The following NFASC variants were observed in gnomAD, a reference collection of about 807,000 sequenced individuals.
The protein encoded by NFASC is neurofascin homolog.
NFASC carries 43 observed loss-of-function variants against 147.5 expected under a neutral mutation model. That is an observed-to-expected ratio of 0.29 (90% CI 0.23 to 0.38). The LOEUF (loss-of-function observed/expected upper bound fraction) is 0.38, where lower values mean the gene tolerates loss of function less well. Among genes scored for constraint, NFASC ranks in the 10% least tolerant of loss-of-function variants. The pLI, the probability that NFASC is intolerant of heterozygous loss-of-function variation, is 1.00. For missense variants in NFASC, 1,320 were observed against 1,689.0 expected (o/e 0.78, Z 3.83); for synonymous variants, 622 against 665.5 (o/e 0.93, Z 1.01).
chr1:204,949,465 A>G (rs1558214070), intron 3 of NFASC, among the ~76,000 whole-genome samples: 1 of 152,264 alleles, frequency 6.6e-6, no homozygotes, highest in Non-Finnish European at 1.5e-5. Context: ...GCCTGCAACA[A>G]CAGTACAGTA....
At chr1:204,927,308 A>G (rs541197778) in intron 2 of NFASC, among the ~76,000 whole-genome samples, 2 of 152,192 alleles carry the variant, frequency 1.3e-5, no homozygotes, top group Admixed American at 1.3e-4. Context: ...TGGACATTTC[A>G]TATAAATGGA....
At chr1:204,871,013 A>G (rs1558528354) in intron 1 of NFASC, 2 of 1,289,710 alleles carry the variant, frequency 1.6e-6, no homozygotes, top group Non-Finnish European at 2.0e-6. Flanking sequence ...ACCTGTCCCC[A>G]TGGAGGGAGA....
chr1:205,013,128 C>T (rs371871569), intron 29 of NFASC, among the ~76,000 whole-genome samples: 14 of 152,310 alleles, frequency 9.2e-5, no homozygotes, highest in African/African-American at 1.4e-4. Flanking sequence ...ATTAGTTTGA[C>T]GAACAGCATT....
chr1:204,913,382 G>A (rs4592302), intron 1 of NFASC, among the ~76,000 whole-genome samples: 66,528 of 151,902 alleles, frequency 0.44, 15,011 homozygotes, highest in Admixed American at 0.55. Flanking sequence ...GCAAGAGTAA[G>A]CAGAAAAAAT....
At chr1:204,836,692 G>A (rs1389354861) in intron 1 of NFASC, among the ~76,000 whole-genome samples, 1 of 152,240 alleles carries the variant, frequency 6.6e-6, no homozygotes, top group African/African-American at 2.4e-5. Context: ...GGAGGTGAAT[G>A]TCTTTATGGA....
chr1:204,833,969 A>G (rs1672972844), intron 1 of NFASC, among the ~76,000 whole-genome samples: 1 of 152,226 alleles, frequency 6.6e-6, no homozygotes, highest in Non-Finnish European at 1.5e-5. Context: ...GCTGGTAGTA[A>G]ATATTCATCA....
At chr1:204,900,843 GT>G (rs200855720) in intron 1 of NFASC, among the ~76,000 whole-genome samples, 6 of 149,846 alleles carry the variant, frequency 4.0e-5, no homozygotes, top group Admixed American at 6.7e-5. Context: ...AAACAGATTA[GT>G]TTTTTTTTTC....
intron 1 of NFASC, among the ~76,000 whole-genome samples, chr1:204,878,712 G>A (rs932757953): frequency 6.6e-6 from 1 of 152,208 alleles, no homozygotes; most frequent in Non-Finnish European, 1.5e-5. Context: ...TTTGATCTGC[G>A]GGATCCTCCC....
chr1:204,836,801 T>C (rs538157042), intron 1 of NFASC, among the ~76,000 whole-genome samples: 1 of 152,268 alleles, frequency 6.6e-6, no homozygotes, highest in African/African-American at 2.4e-5. Context: ...CTGAGTGGAA[T>C]TGAAGCCTTT....
chr1:204,904,318 G>T (rs575569939), intron 1 of NFASC, among the ~76,000 whole-genome samples: 2 of 152,172 alleles, frequency 1.3e-5, no homozygotes, highest in African/African-American at 4.8e-5. Flanking sequence ...GGCTGGTCTC[G>T]AACTCCCGGA....
intron 3 of NFASC, among the ~76,000 whole-genome samples, chr1:204,947,806 C>T (rs909610102): frequency 1.1e-4 from 17 of 152,138 alleles, no homozygotes; most frequent in African/African-American, 4.1e-4. Flanking sequence ...TTCCTTCCCA[C>T]CTTCATCACA....
chr1:204,853,984 T>C (rs2075925349), intron 1 of NFASC, among the ~76,000 whole-genome samples: 1 of 152,062 alleles, frequency 6.6e-6, no homozygotes, highest in South Asian at 2.1e-4. Flanking sequence ...TGGGAAGGGC[T>C]CCAAGAAAGC....
At chr1:204,829,226 A>C (rs1671507134) in intron 1 of NFASC, among the ~76,000 whole-genome samples, 4 of 137,594 alleles carry the variant, frequency 2.9e-5, no homozygotes, top group African/African-American at 8.3e-5. Flanking sequence ...TCCCCATCTC[A>C]TGCCCCTACC....
intron 1 of NFASC, among the ~76,000 whole-genome samples, chr1:204,854,673 G>A (rs2076001424): frequency 6.6e-6 from 1 of 152,214 alleles, no homozygotes; most frequent in Non-Finnish European, 1.5e-5. Flanking sequence ...TGCCAACTTA[G>A]CACTGACTTG....
rs763350261 is a variant in NFASC, at chr1:205,009,582, C to T, written c.3315C>T (p.Ile1105=). ...STAYTNNQAD[I]ATQGWFIGLM... Reference sequence around the variant, plus strand: ...CTTACACCAACAACCAAGCGGACATCGCCACCCAGGGCTGGTTCATTGGGC... The same window carrying T: ...CTTACACCAACAACCAAGCGGACATTGCCACCCAGGGCTGGTTCATTGGGC... The change falls in exon 28 of 30, where the codon ATC becomes ATT. Residue 1105 remains isoleucine, a synonymous_variant. Coordinates refer to ENST00000339876, the MANE Select transcript of NFASC (RefSeq NM_001005388.3). The T allele has an allele frequency of 2.5e-6, 4 of 1,614,162 alleles. No homozygotes were observed. The highest frequency in any genetic ancestry group is 1.7e-5 in the Admixed American group (1 of 60,022).
intron 1 of NFASC, among the ~76,000 whole-genome samples, chr1:204,878,257 G>A (rs1216352011): frequency 6.6e-6 from 1 of 152,086 alleles, no homozygotes. Flanking sequence ...TGTTTCAAGG[G>A]CAAAGAAACT....
At position 204,837,766 on chromosome 1, in the gene NFASC, C is replaced by T. The variant is rs894697821; in HGVS notation, c.-200+8984C>T. Among the ~76,000 whole-genome samples the T allele has an allele frequency of 2.6e-5, 4 of 151,560 alleles. No homozygotes were observed. In the South Asian group the frequency reaches 6.3e-4, roughly 24 times the overall value. ...TGCTTACAACCAGCCAAGGGGATCT[C>T]GAGAATGATTCTGCCTAGGACTAGG... is the stretch of plus-strand genomic sequence containing the variant. On this transcript the variant is annotated intron_variant, in intron 1 of 29. Transcript: ENST00000339876.
intron 1 of NFASC, among the ~76,000 whole-genome samples, chr1:204,916,377 A>AT (rs2149386577): frequency 6.6e-6 from 1 of 152,360 alleles, no homozygotes; most frequent in African/African-American, 2.4e-5. Context: ...ACTGGTGGTA[A>AT]TTGTGATTTC....
intron 1 of NFASC, among the ~76,000 whole-genome samples, chr1:204,908,246 TG>T (rs2086441260): frequency 6.6e-6 from 1 of 152,216 alleles, no homozygotes; most frequent in Non-Finnish European, 1.5e-5. Context: ...CCTCCCAAAG[TG>T]CTGGAATTAC....
Sources: gnomAD v4.1 joint callset for allele counts (sites outside exome capture counted in the v4.1 genomes callset) on GRCh38, gnomAD v4.1.1 for gene constraint, MANE v1.5 for transcripts, NCBI Gene and HGNC (gene_info 2026-07-23, HGNC 2026-07-21) for gene names.